PDSS2: variants seen among roughly 807,000 people sequenced by gnomAD.
PDSS2 encodes decaprenyl diphosphate synthase subunit 2.
PDSS2 carries 31 observed loss-of-function variants against 44.5 expected under a neutral mutation model. That is an observed-to-expected ratio of 0.70 (90% CI 0.52 to 0.94). PDSS2 has a LOEUF of 0.94. Among genes scored for constraint, PDSS2 ranks in the 40% least tolerant of loss-of-function variants. PDSS2 has a pLI of 0.00. For missense variants in PDSS2, 452 were observed against 482.2 expected (o/e 0.94, Z 0.59); for synonymous variants, 157 against 180.3 (o/e 0.87, Z 1.03).
At chr6:107,327,595 T>G (rs1296540770) in intron 2 of PDSS2, among the ~76,000 whole-genome samples, 2 of 152,166 alleles carry the variant, frequency 1.3e-5, no homozygotes, top group Non-Finnish European at 2.9e-5. Flanking sequence ...TAGCAGGGAT[T>G]ACAGGCGCCC....
At chr6:107,192,102 T>TGTTTA (rs532123298) in intron 7 of PDSS2, among the ~76,000 whole-genome samples, 350 of 152,216 alleles carry the variant, frequency 2.3e-3, no homozygotes, top group Non-Finnish European at 4.4e-3. Flanking sequence ...TCAGAAAAGA[T>TGTTTA]GTTTAGTTTA....
At chr6:107,301,399 T>C (rs978011325) in intron 2 of PDSS2, among the ~76,000 whole-genome samples, 1 of 152,194 alleles carries the variant, frequency 6.6e-6, no homozygotes, top group Non-Finnish European at 1.5e-5. Context: ...GTTATATTAA[T>C]ATATGGATAC....
chr6:107,184,768 C>T (rs191932002), intron 7 of PDSS2, among the ~76,000 whole-genome samples: 25 of 151,976 alleles, frequency 1.6e-4, no homozygotes, highest in Non-Finnish European at 1.3e-4. Context: ...AAACCCTATC[C>T]TTATAAAAAA....
rs939650774 is a variant in PDSS2, at chr6:107,282,527, G to A, written c.432-8300C>T. Among the ~76,000 whole-genome samples the A allele has an allele frequency of 6.7e-4, 102 of 151,858 alleles. 1 individual carries two copies. Among genetic ancestry groups the A allele is most frequent in the Non-Finnish European group, 1.2e-3 (83 of 67,962 alleles). On this transcript the variant is annotated intron_variant, in intron 2 of 7. Transcript: ENST00000369037. ...CCTGTCTCAGCCTCCTGAGTGGCTAGGACTACAGGCACATACCACCATACC... is the reference window on the plus strand; with the variant it reads ...CCTGTCTCAGCCTCCTGAGTGGCTAAGACTACAGGCACATACCACCATACC...
intron 1 of PDSS2, among the ~76,000 whole-genome samples, chr6:107,340,655 AC>A (rs1381780426): frequency 6.6e-6 from 1 of 152,242 alleles, no homozygotes; most frequent in African/African-American, 2.4e-5. Flanking sequence ...CTATCAGTGC[AC>A]AACTAGTTGC....
At chr6:107,257,439 G>A (rs768835617) in intron 3 of PDSS2, among the ~76,000 whole-genome samples, 9 of 151,940 alleles carry the variant, frequency 5.9e-5, no homozygotes, top group Non-Finnish European at 1.5e-5. Context: ...TCAGGAGGCT[G>A]AGGTGGAGGA....
intron 2 of PDSS2, among the ~76,000 whole-genome samples, chr6:107,332,127 C>G (rs1016982742): frequency 6.3e-5 from 9 of 143,922 alleles, no homozygotes; most frequent in African/African-American, 2.3e-4. Flanking sequence ...TTTTTTGAGA[C>G]AGGGTCTCAT....
intron 1 of PDSS2, among the ~76,000 whole-genome samples, chr6:107,410,211 T>C (rs528526873): frequency 7.2e-5 from 11 of 152,240 alleles, no homozygotes; most frequent in Admixed American, 1.3e-4. Flanking sequence ...AAGAGAATTA[T>C]CAGAATTATG....
chr6:107,413,505 C>T (rs1304702667), intron 1 of PDSS2, among the ~76,000 whole-genome samples: 1 of 152,234 alleles, frequency 6.6e-6, no homozygotes, highest in African/African-American at 2.4e-5. Flanking sequence ...CACTGTACTT[C>T]ACCTGGTGAC....
intron 6 of PDSS2, among the ~76,000 whole-genome samples, chr6:107,202,901 C>T (rs1772835082): frequency 1.3e-5 from 2 of 151,670 alleles, no homozygotes; most frequent in Non-Finnish European, 1.5e-5. Flanking sequence ...TAGAGTAAGG[C>T]GAGGAGATAC....
intron 6 of PDSS2, among the ~76,000 whole-genome samples, chr6:107,207,272 A>G (rs62428035): frequency 0.24 from 35,868 of 152,030 alleles, 5,152 homozygotes; most frequent in East Asian, 0.49. Context: ...GATTACAGGC[A>G]TGAGCCACCA....
intron 1 of PDSS2, among the ~76,000 whole-genome samples, chr6:107,374,156 AG>A (rs1309893708): frequency 6.7e-6 from 1 of 148,538 alleles, no homozygotes; most frequent in African/African-American, 2.5e-5. Context: ...CAGGAGGCTG[AG>A]GCAGGAGAAT....
intron 3 of PDSS2, among the ~76,000 whole-genome samples, chr6:107,257,248 G>A (rs1283895104): frequency 6.6e-6 from 1 of 150,880 alleles, no homozygotes; most frequent in South Asian, 2.1e-4. Flanking sequence ...TCAAATAATG[G>A]ATACCCTGGG....
chr6:107,298,742 A>C (rs1463194577), intron 2 of PDSS2, among the ~76,000 whole-genome samples: 1 of 152,180 alleles, frequency 6.6e-6, no homozygotes, highest in Non-Finnish European at 1.5e-5. Flanking sequence ...AATCCATAAG[A>C]CCTAAATGTT....
At chr6:107,399,510 T>G (rs1780044111) in intron 1 of PDSS2, among the ~76,000 whole-genome samples, 1 of 152,216 alleles carries the variant, frequency 6.6e-6, no homozygotes, top group Non-Finnish European at 1.5e-5. Context: ...TGATCCTATC[T>G]TCCCCTAAGT....
At chr6:107,411,314 T>C (rs543209272) in intron 1 of PDSS2, among the ~76,000 whole-genome samples, 14 of 152,362 alleles carry the variant, frequency 9.2e-5, no homozygotes, top group African/African-American at 2.9e-4. Flanking sequence ...ATTTGTACTT[T>C]TGACAGACAT....
chr6:107,455,652 G>C (rs927776313), intron 1 of PDSS2, among the ~76,000 whole-genome samples: 5 of 151,300 alleles, frequency 3.3e-5, no homozygotes, highest in Non-Finnish European at 5.9e-5. Context: ...TACTGGGGAG[G>C]CTGAGGCAGG....
In PDSS2 at chr6:107,225,826, T is replaced by A. The variant is rs565977560; in HGVS notation, c.703-13544A>T. Among the ~76,000 whole-genome samples the A allele has an allele frequency of 3.9e-5, 6 of 152,332 alleles. No individual in the cohort carries two copies. In the East Asian group the frequency reaches 1.2e-3, roughly 29 times the overall value. ...ATTTAAACTTGGGAAGACATTTCAC[T>A]TATTAGCCATTTGTTCTTCCTCAAT... is the stretch of plus-strand genomic sequence containing the variant. On this transcript the variant is annotated intron_variant, in intron 4 of 7. Coordinates refer to ENST00000369037, the MANE Select transcript of PDSS2 (RefSeq NM_020381.4).
At chr6:107,276,920 T>C (rs923655402) in intron 2 of PDSS2, among the ~76,000 whole-genome samples, 2 of 152,158 alleles carry the variant, frequency 1.3e-5, no homozygotes, top group Non-Finnish European at 2.9e-5. Context: ...CCCCTGCACA[T>C]TTACCAGGTA....
Sources: gnomAD v4.1 joint callset for allele counts (sites outside exome capture counted in the v4.1 genomes callset) on GRCh38, gnomAD v4.1.1 for gene constraint, MANE v1.5 for transcripts, NCBI Gene and HGNC (gene_info 2026-07-23, HGNC 2026-07-21) for gene names.